Variants in PHACTR2 observed in about 807,000 individuals in gnomAD.
The protein encoded by PHACTR2 is chromosome 6 open reading frame 56.
Under a neutral mutation model 76.0 loss-of-function variants are expected in PHACTR2, and 30 were observed. That is an observed-to-expected ratio of 0.39 (90% CI 0.30 to 0.54). PHACTR2 has a LOEUF of 0.54. Ranked by LOEUF, PHACTR2 falls within the 20% of genes least tolerant of loss-of-function variation. PHACTR2 has a pLI of 0.61. For synonymous variants in PHACTR2, 292 were observed against 292.5 expected, an observed-to-expected ratio of 1.00 and a Z score of 0.02; for missense variants, 696 against 781.1, an observed-to-expected ratio of 0.89 and a Z score of 1.30.
chr6:143,629,677 G>T (rs530368071), intron 1 of PHACTR2, among the ~76,000 whole-genome samples: 1 of 152,132 alleles, frequency 6.6e-6, no homozygotes, highest in Admixed American at 6.5e-5. Context: ...AAGTACTGTG[G>T]AGTTGTTTAC....
intron 6 of PHACTR2, among the ~76,000 whole-genome samples, chr6:143,771,158 G>GTATATATATA (rs1341330418): frequency 1.2e-3 from 17 of 14,590 alleles, no homozygotes; most frequent in African/African-American, 2.6e-3. Context: ...ATATATATAT[G>GTATATATATA]TATATATATA....
Position 143,708,758 on chromosome 6 carries a change from C to A in PHACTR2, c.47-3258C>A, listed in dbSNP as rs1243301222. ...TACAATGGCACATCGGCCAACTGTG[C>A]CAACATATGGTTTCTAATTGCAAAT... On this transcript the variant is annotated intron_variant, in intron 1 of 12. Coordinates refer to ENST00000440869, the MANE Select transcript of PHACTR2 (RefSeq NM_001100164.2). This position sits in a 1 kb window ranked among gnomAD's most constrained non-coding sequence, Gnocchi z 5.5. Among the ~76,000 whole-genome samples, 1 of 152,148 alleles carries A rather than the reference C, an allele frequency of 6.6e-6. No individual in the cohort carries two copies. The highest frequency in any genetic ancestry group is 6.5e-5 in the Admixed American group (1 of 15,268).
chr6:143,641,130 G>A lies in PHACTR2; in HGVS notation c.13+32808G>A, dbSNP rs1040667778. 2.6e-5 allele frequency among the ~76,000 whole-genome samples: 4 copies of A among 152,222 alleles called. No homozygotes were observed. Among genetic ancestry groups the A allele is most frequent in the Non-Finnish European group, 5.9e-5 (4 of 68,030 alleles). On this transcript the variant is annotated intron_variant, in intron 1 of 11. Coordinates refer to the PHACTR2 transcript ENST00000305766. This position sits in a 1 kb window ranked among gnomAD's most constrained non-coding sequence, Gnocchi z 5.8. ...AGGTGTCACATGGCAGAAGGGCAAA[G>A]AGAGAGCAAGAGGGGGTTCAAACTT...
intron 1 of PHACTR2, among the ~76,000 whole-genome samples, chr6:143,642,614 T>C (rs1468027974): frequency 1.3e-5 from 2 of 152,330 alleles, no homozygotes; most frequent in East Asian, 3.9e-4. Flanking sequence ...TGGTTTAGTT[T>C]GGATGAGGTC....
Position 143,754,824 on chromosome 6 carries a change from G to A in PHACTR2, c.454+912G>A, listed in dbSNP as rs1779265212. Among the ~76,000 whole-genome samples the A allele has an allele frequency of 6.6e-6, 1 of 152,060 alleles. No individual in the cohort carries two copies. The highest frequency in any genetic ancestry group is 1.5e-5 in the Non-Finnish European group (1 of 68,028). On this transcript the variant is annotated intron_variant, in intron 4 of 12. Coordinates refer to ENST00000440869, the MANE Select transcript of PHACTR2 (RefSeq NM_001100164.2). The surrounding 1 kb of genome is among the most constrained non-coding windows in gnomAD (Gnocchi z 6.2). ...TATAATGTCTGTCTCTAAGTTGAAT[G>A]GTAAAATTTTGTCAAACCTAGTGTG...
At chr6:143,769,122 A>G (rs977033242) in intron 6 of PHACTR2, among the ~76,000 whole-genome samples, 2 of 152,218 alleles carry the variant, frequency 1.3e-5, no homozygotes, top group Non-Finnish European at 2.9e-5. Flanking sequence ...AAAACTTTCA[A>G]GAAGACAAGT....
intron 1 of PHACTR2, among the ~76,000 whole-genome samples, chr6:143,601,680 A>C (rs982409745): frequency 3.3e-5 from 5 of 152,172 alleles, no homozygotes; most frequent in Non-Finnish European, 7.4e-5. Context: ...TTTGAGATTC[A>C]TTGCTGAGTA....
In PHACTR2 at chr6:143,751,903, A is replaced by G. The variant is rs1226539575; in HGVS notation, c.296-1851A>G. On this transcript the variant is annotated intron_variant, in intron 3 of 12. Coordinates refer to ENST00000440869, the MANE Select transcript of PHACTR2 (RefSeq NM_001100164.2). This position sits in a 1 kb window ranked among gnomAD's most constrained non-coding sequence, Gnocchi z 5.7. ...ATACTAGAAAGCCTTTTCAATATACACACCAGCTAATTAATAACTTTACTT... is the reference window on the plus strand; with the variant it reads ...ATACTAGAAAGCCTTTTCAATATACGCACCAGCTAATTAATAACTTTACTT... Among the ~76,000 whole-genome samples the G allele has an allele frequency of 6.6e-6, 1 of 152,054 alleles. No homozygotes were observed. Among genetic ancestry groups the G allele is most frequent in the Non-Finnish European group, 1.5e-5 (1 of 68,006 alleles).
rs556320921 is a variant in PHACTR2 at position 143,801,416 on chromosome 6, A to G, written c.1846-5641A>G. ...CATTTCTTTTCACTCCTTATTCTCT[A>G]ATCTTGTCTTCTCACTTTATTTCAT... On this transcript the variant is annotated intron_variant, in intron 11 of 12. Coordinates refer to ENST00000440869, the MANE Select transcript of PHACTR2 (RefSeq NM_001100164.2). The surrounding 1 kb of genome is among the most constrained non-coding windows in gnomAD (Gnocchi z 4.6). 6.6e-6 allele frequency among the ~76,000 whole-genome samples: 1 copy of G among 152,130 alleles called. No individual in the cohort carries two copies. The highest frequency in any genetic ancestry group is 1.9e-4 in the East Asian group (1 of 5,180).
rs537780823 is a variant in PHACTR2, at chr6:143,659,268, A to G, written c.13+50946A>G. Among the ~76,000 whole-genome samples, 8 of 152,300 alleles carry G rather than the reference A, an allele frequency of 5.3e-5. No individual in the cohort carries two copies. The East Asian group carries it at 1.5e-3, about 29-fold the overall frequency. ...AACCTTAGCTTATTGTAACTTTTTT[A>G]CTTTATAAACTTTAAAAATTTTTTA... On this transcript the variant is annotated intron_variant, in intron 1 of 11. Coordinates refer to the PHACTR2 transcript ENST00000305766. This position sits in a 1 kb window ranked among gnomAD's most constrained non-coding sequence, Gnocchi z 5.0.
At position 143,722,624 on chromosome 6, in the gene PHACTR2, G is replaced by A. The variant is rs1354549861; in HGVS notation, c.214+10441G>A. The stretch of plus-strand genomic sequence containing the variant: ...TTATCGTTTCTTTTTGTTAGAAATA[G>A]TCCAGTTCCACTCTTTTAGTTATTT... On this transcript the variant is annotated intron_variant, in intron 2 of 12. Coordinates refer to ENST00000440869, the MANE Select transcript of PHACTR2 (RefSeq NM_001100164.2). The surrounding 1 kb of genome is among the most constrained non-coding windows in gnomAD (Gnocchi z 4.1). 6.6e-6 allele frequency among the ~76,000 whole-genome samples: 1 copy of A among 152,004 alleles called. No individual in the cohort carries two copies. Among genetic ancestry groups the A allele is most frequent in the Non-Finnish European group, 1.5e-5 (1 of 68,000 alleles).
intron 1 of PHACTR2, among the ~76,000 whole-genome samples, chr6:143,575,087 A>G (rs551800843): frequency 4.6e-5 from 7 of 151,734 alleles, no homozygotes; most frequent in Non-Finnish European, 1.0e-4. Flanking sequence ...AAAATAGGCA[A>G]ATAAATAATC....
In PHACTR2 at chr6:143,671,904, A is replaced by G. The variant is rs2128450977; in HGVS notation, c.14-40112A>G. On this transcript the variant is annotated intron_variant, in intron 1 of 11. Transcript: ENST00000305766. This position sits in a 1 kb window ranked among gnomAD's most constrained non-coding sequence, Gnocchi z 4.6. Reference sequence around the variant, plus strand: ...GGAAGGCAACCTAGAACAAAAAGGAACAAAATACAGATACACAGAGCAACA... The same window carrying G: ...GGAAGGCAACCTAGAACAAAAAGGAGCAAAATACAGATACACAGAGCAACA... 6.6e-6 allele frequency among the ~76,000 whole-genome samples: 1 copy of G among 152,360 alleles called. No individual in the cohort carries two copies.
intron 1 of PHACTR2, among the ~76,000 whole-genome samples, chr6:143,626,055 T>C (rs1234999040): frequency 1.3e-5 from 2 of 152,194 alleles, no homozygotes; most frequent in Non-Finnish European, 2.9e-5. Context: ...GTGAACGCTA[T>C]TTTTTATTTC....
rs10538549 is a variant in PHACTR2 at position 143,756,698 on chromosome 6, C to CA, written c.454+2803dup. Among the ~76,000 whole-genome samples, 520 of 122,690 alleles carry CA rather than the reference C, an allele frequency of 4.2e-3. 3 individuals are homozygous for CA. The highest frequency in any genetic ancestry group is 6.9e-3 in the Admixed American group (84 of 12,100). 80.5% of individuals were successfully genotyped at this position (122,690 alleles called of 152,430 possible). Reference sequence around the variant, plus strand: ...TGGGCGACAGAGCGAGACTCCGTCTCAAAAAAAAAAAAAAAAAGAGCAGAA... The same window carrying CA: ...TGGGCGACAGAGCGAGACTCCGTCTCAAAAAAAAAAAAAAAAAAGAGCAGAA... On this transcript the variant is annotated intron_variant, in intron 4 of 12. Coordinates refer to ENST00000440869, the MANE Select transcript of PHACTR2 (RefSeq NM_001100164.2).
chr6:143,805,656 T>C (rs1482487759), intron 11 of PHACTR2, among the ~76,000 whole-genome samples: 1 of 152,226 alleles, frequency 6.6e-6, no homozygotes, highest in Admixed American at 6.5e-5. Context: ...GACAGCCATG[T>C]CACAGAGGAC....
chr6:143,611,945 G>A lies in PHACTR2; in HGVS notation c.13+3623G>A, dbSNP rs1185432788. ...AACTGCAGCAGTCAAAGGAGACCCT[G>A]GAGGTTTCCCGTTAGAGAATTTAAG... On this transcript the variant is annotated intron_variant, in intron 1 of 11. Transcript: ENST00000305766. The surrounding 1 kb of genome is among the most constrained non-coding windows in gnomAD (Gnocchi z 4.4). Among the ~76,000 whole-genome samples the A allele has an allele frequency of 6.6e-6, 1 of 152,184 alleles. No individual in the cohort carries two copies. Among genetic ancestry groups the A allele is most frequent in the Non-Finnish European group, 1.5e-5 (1 of 68,030 alleles).
rs1050662151 is a variant in PHACTR2 at position 143,825,654 on chromosome 6, A to G, written c.*1965A>G. The G allele has an allele frequency of 2.0e-5, 3 of 151,708 alleles. No homozygotes were observed. The highest frequency in any genetic ancestry group is 4.4e-5 in the Non-Finnish European group (3 of 67,926). The allele number at this position is 151,708 out of a possible 1,614,324, so 9.4% of individuals were successfully genotyped here. A position where few individuals can be genotyped will look rare whatever the true frequency, so the allele number is the denominator to read the frequency against. ...CAAAGTCATGCTTTTCCTTAATTAT[A>G]TTTTTATTTTATTATTTTAGTGTCT... On this transcript the variant is annotated 3_prime_UTR_variant, in exon 13 of 13. Transcript: ENST00000440869. This position sits in a 1 kb window ranked among gnomAD's most constrained non-coding sequence, Gnocchi z 4.1.
intron 12 of PHACTR2, among the ~76,000 whole-genome samples, chr6:143,812,953 A>C (rs1776211533): frequency 1.3e-5 from 2 of 152,242 alleles, no homozygotes; most frequent in African/African-American, 4.8e-5. Context: ...CTTAAGTTCT[A>C]AACTGTAAAG....
Sources: allele counts gnomAD v4.1 joint callset (sites outside exome capture counted in the v4.1 genomes callset), GRCh38; gene constraint gnomAD v4.1.1; non-coding constraint Gnocchi (gnomAD v3.1); transcripts MANE v1.5; gene names NCBI Gene and HGNC (gene_info 2026-07-23, HGNC 2026-07-21).